Variants in PPP1R12A observed in about 807,000 individuals in gnomAD.
The protein encoded by PPP1R12A is protein phosphatase 1 regulatory subunit 12A, also known as myosin binding subunit.
In PPP1R12A, 19 loss-of-function variants were observed where a neutral mutation model predicts 139.6. The ratio of observed to expected loss-of-function variants is 0.14; its 90% confidence interval spans 0.09 to 0.20. PPP1R12A has a LOEUF of 0.20. PPP1R12A is among the 10% of genes least tolerant of loss of function. The pLI, the probability that PPP1R12A is intolerant of heterozygous loss-of-function variation, is 1.00. For missense variants in PPP1R12A, 925 were observed against 1,211.5 expected, an observed-to-expected ratio of 0.76 and a Z score of 3.51; for synonymous variants, 427 against 420.6, an observed-to-expected ratio of 1.02 and a Z score of -0.19.
chr12:79,831,971 G>A (rs917679525), intron 4 of PPP1R12A, among the ~76,000 whole-genome samples: 2 of 152,028 alleles, frequency 1.3e-5, no homozygotes. Flanking sequence ...CAAAACTGAT[G>A]GTATGTTCAC....
chr12:79,778,453 G>T, intron 24 of PPP1R12A, 97 bp downstream of exon 24: 4 of 842,966 alleles, frequency 4.7e-6, no homozygotes, highest in Non-Finnish European at 6.8e-6. Flanking sequence ...TGGGTAATCA[G>T]CTTTGAGAAC....
At chr12:79,832,721 G>T (rs2137156271) in intron 3 of PPP1R12A, 2 of 341,418 alleles carry the variant, frequency 5.9e-6, no homozygotes, top group Non-Finnish European at 1.0e-5. Flanking sequence ...ATACTATTTT[G>T]ATCTTATTTT....
intron 1 of PPP1R12A, among the ~76,000 whole-genome samples, chr12:79,925,905 A>T (rs1056416336): frequency 1.3e-5 from 2 of 152,164 alleles, no homozygotes; most frequent in African/African-American, 4.8e-5. Context: ...ACCATGCTAG[A>T]GATTTCTTTT....
At chr12:79,786,319 A>G (rs532632993) in intron 22 of PPP1R12A, 55 bp downstream of exon 22, 1 of 1,102,772 alleles carries the variant, frequency 9.1e-7, no homozygotes, top group African/African-American at 1.7e-5. Context: ...CCATTTTTAG[A>G]TGGGATAAAT....
intron 1 of PPP1R12A, among the ~76,000 whole-genome samples, chr12:79,902,120 A>C (rs1485197641): frequency 6.6e-6 from 1 of 152,206 alleles, no homozygotes; most frequent in Non-Finnish European, 1.5e-5. Context: ...ATTCCCTAAC[A>C]GCTTGGTTCA....
upstream of PPP1R12A, chr12:79,935,262 C>A: frequency 9.0e-7 from 1 of 1,110,026 alleles, no homozygotes; most frequent in Non-Finnish European, 1.1e-6. Context: ...TGTGCCCGCC[C>A]CAGGAAGAGC....
intron 22 of PPP1R12A, among the ~76,000 whole-genome samples, chr12:79,784,374 A>T (rs1356515073): frequency 6.6e-6 from 1 of 152,182 alleles, no homozygotes; most frequent in African/African-American, 2.4e-5. Flanking sequence ...AGGTAACAGA[A>T]ATTGGTACCT....
chr12:79,876,263 T>C (rs1375234708), intron 1 of PPP1R12A, among the ~76,000 whole-genome samples: 1 of 151,782 alleles, frequency 6.6e-6, no homozygotes, highest in Non-Finnish European at 1.5e-5. Flanking sequence ...ATACTTTGCT[T>C]ACTTATTTAC....
At chr12:79,886,269 A>T (rs1884094316) in intron 1 of PPP1R12A, among the ~76,000 whole-genome samples, 1 of 152,210 alleles carries the variant, frequency 6.6e-6, no homozygotes, top group African/African-American at 2.4e-5. Flanking sequence ...ATACTAAATA[A>T]TAAAAAAGAA....
chr12:79,875,124 A>G (rs1882973351), intron 1 of PPP1R12A, among the ~76,000 whole-genome samples: 1 of 152,114 alleles, frequency 6.6e-6, no homozygotes, highest in Non-Finnish European at 1.5e-5. Flanking sequence ...AAACTCCATA[A>G]TTTTCAGATT....
intron 1 of PPP1R12A, among the ~76,000 whole-genome samples, chr12:79,920,240 C>G (rs1352251314): frequency 6.6e-6 from 1 of 152,198 alleles, no homozygotes; most frequent in Non-Finnish European, 1.5e-5. Flanking sequence ...ATTCCAGGGA[C>G]AAAACATATC....
intron 1 of PPP1R12A, among the ~76,000 whole-genome samples, chr12:79,933,114 A>G (rs1002708956): frequency 6.6e-6 from 1 of 152,240 alleles, no homozygotes; most frequent in Non-Finnish European, 1.5e-5. Flanking sequence ...TATGCCTTAA[A>G]TAAACTTCAC....
At chr12:79,777,706 G>C in intron 24 of PPP1R12A, 4 of 906,794 alleles carry the variant, frequency 4.4e-6, no homozygotes, top group Non-Finnish European at 5.3e-6. Flanking sequence ...AAATGGAAAA[G>C]AGTATAATAA....
intron 1 of PPP1R12A, among the ~76,000 whole-genome samples, chr12:79,874,601 A>T (rs1009246608): frequency 4.3e-4 from 65 of 152,088 alleles, no homozygotes; most frequent in Non-Finnish European, 4.4e-5. Context: ...AATACATATA[A>T]CCTGCAGAAA....
intron 9 of PPP1R12A, among the ~76,000 whole-genome samples, chr12:79,811,267 T>C (rs1592650423): frequency 6.6e-6 from 1 of 152,222 alleles, no homozygotes; most frequent in African/African-American, 2.4e-5. Context: ...AAAACTGTTA[T>C]AAAGATATAC....
chr12:79,932,134 T>C (rs1367797393), intron 1 of PPP1R12A, among the ~76,000 whole-genome samples: 5 of 152,222 alleles, frequency 3.3e-5, no homozygotes, highest in Non-Finnish European at 5.9e-5. Flanking sequence ...AACCCCGTTA[T>C]ACATTTTAGG....
Position 79,807,206 on chromosome 12 carries a change from C to T in PPP1R12A, c.1655+20G>A. ...TTTATAAATGAATACATAAAAACCG[C>T]TTAAGAATAGTATTATTACCTTTTA... On this transcript the variant is annotated intron_variant, in intron 12 of 24. Transcript: ENST00000450142. The T allele has an allele frequency of 7.2e-7, 1 of 1,392,082 alleles. No individual in the cohort carries two copies. Among genetic ancestry groups the T allele is most frequent in the Non-Finnish European group, 9.8e-7 (1 of 1,022,572 alleles). 86.2% of individuals were successfully genotyped at this position (1,392,082 alleles called of 1,614,324 possible).
chr12:79,843,613 TATAGATATAGATATAGATATAG>T (rs1879022954), intron 3 of PPP1R12A, among the ~76,000 whole-genome samples: 4 of 33,562 alleles, frequency 1.2e-4, no homozygotes, highest in East Asian at 4.0e-3. Flanking sequence ...CAAAAAAAAA[TATAGATATAGATATAGATATAG>T]ATATAGATAT....
Position 79,845,933 on chromosome 12 carries a change from A to AAAGTC in PPP1R12A, c.369-514_369-513insGACTT, listed in dbSNP as rs1450559112. Among the ~76,000 whole-genome samples, 594 of 152,290 alleles carry AAAGTC rather than the reference A, an allele frequency of 3.9e-3. 1 individual carries two copies. Among genetic ancestry groups the AAAGTC allele is most frequent in the Non-Finnish European group, 6.2e-3 (425 of 68,010 alleles). On this transcript the variant is annotated intron_variant, in intron 2 of 24. Coordinates refer to ENST00000450142, the MANE Select transcript of PPP1R12A (RefSeq NM_002480.3). Reference sequence around the variant, plus strand: ...AATAATAATTAGAAAGTCTCATAGGATCCACCTCCACTGAGACTTCTCATT... The same window carrying AAAGTC: ...AATAATAATTAGAAAGTCTCATAGGAAAGTCTCCACCTCCACTGAGACTTCTCATT...
Sources: gnomAD v4.1 joint callset for allele counts (sites outside exome capture counted in the v4.1 genomes callset) on GRCh38, gnomAD v4.1.1 for gene constraint, MANE v1.5 for transcripts, NCBI Gene and HGNC (gene_info 2026-07-23, HGNC 2026-07-21) for gene names.